The following NFIA variants were observed in gnomAD, a reference collection of about 807,000 sequenced individuals.
NFIA encodes the protein nuclear factor I A.
A neutral mutation model predicts 62.8 loss-of-function variants in NFIA; 8 were observed. The ratio of observed to expected loss-of-function variants is 0.13; its 90% confidence interval spans 0.07 to 0.23. The LOEUF is 0.23. NFIA is among the 10% of genes least tolerant of loss of function. The probability of loss-of-function intolerance (pLI) is 1.00; values close to 1 mark genes in which losing one functional copy is unlikely to be tolerated. For missense variants in NFIA, 410 were observed against 642.1 expected, an observed-to-expected ratio of 0.64 and a Z score of 3.91; for synonymous variants, 235 against 238.1, an observed-to-expected ratio of 0.99 and a Z score of 0.12.
At chr1:61,346,564 A>T (rs942739731) in intron 4 of NFIA, among the ~76,000 whole-genome samples, 6 of 152,168 alleles carry the variant, frequency 3.9e-5, no homozygotes, top group African/African-American at 1.4e-4. Flanking sequence ...CAGGTCTTTG[A>T]GACCTGTTTG....
chr1:61,273,882 G>A (rs1159760414), intron 2 of NFIA, among the ~76,000 whole-genome samples: 2 of 152,058 alleles, frequency 1.3e-5, no homozygotes, highest in Non-Finnish European at 2.9e-5. Flanking sequence ...ATACATGGAA[G>A]GGATATTTAT....
intron 4 of NFIA, among the ~76,000 whole-genome samples, chr1:61,341,193 A>G: frequency 6.6e-6 from 1 of 150,552 alleles, no homozygotes; most frequent in South Asian, 2.1e-4. Context: ...CCTGCCGAGT[A>G]GCCGGGACTA....
At chr1:61,262,372 G>A (rs1006447400) in intron 2 of NFIA, among the ~76,000 whole-genome samples, 1 of 152,148 alleles carries the variant, frequency 6.6e-6, no homozygotes, top group Non-Finnish European at 1.5e-5. Flanking sequence ...GTTACTTTCT[G>A]CTAATTTAAA....
At chr1:61,298,989 T>C (rs895639928) in intron 3 of NFIA, among the ~76,000 whole-genome samples, 4 of 152,196 alleles carry the variant, frequency 2.6e-5, no homozygotes, top group Admixed American at 2.6e-4. Flanking sequence ...AGAGTAGTTA[T>C]TTTGAAATTT....
At chr1:61,427,910 T>C (rs1569853812) in intron 10 of NFIA, among the ~76,000 whole-genome samples, 1 of 152,214 alleles carries the variant, frequency 6.6e-6, no homozygotes, top group Non-Finnish European at 1.5e-5. Context: ...TTCAAACACT[T>C]TTCTGGTGAA....
At chr1:61,214,064 C>T (rs1436931897) in intron 2 of NFIA, among the ~76,000 whole-genome samples, 2 of 152,152 alleles carry the variant, frequency 1.3e-5, no homozygotes, top group South Asian at 2.1e-4. Flanking sequence ...CCCAGAACTA[C>T]ATAGGGTCAG....
At chr1:61,219,556 T>TA (rs1220363288) in intron 2 of NFIA, among the ~76,000 whole-genome samples, 1 of 150,938 alleles carries the variant, frequency 6.6e-6, no homozygotes, top group Non-Finnish European at 1.5e-5. Context: ...CTACTAAAAA[T>TA]ACAAAAAATT....
At chr1:61,298,973 G>A (rs2806432) in intron 3 of NFIA, among the ~76,000 whole-genome samples, 151,835 of 152,318 alleles carry the variant, frequency 1, 75,676 homozygotes, top group East Asian at 1. Flanking sequence ...GCTCACTTGT[G>A]TTTGTAGAGT....
chr1:61,128,194 C>T (rs1647008979), intron 2 of NFIA, among the ~76,000 whole-genome samples: 1 of 152,152 alleles, frequency 6.6e-6, no homozygotes. Context: ...AAGGATGTTC[C>T]TGCCTCAGTC....
chr1:61,248,203 A>G (rs971430100), intron 2 of NFIA, among the ~76,000 whole-genome samples: 3 of 152,186 alleles, frequency 2.0e-5, no homozygotes, highest in African/African-American at 7.2e-5. Context: ...CCTCTGCATA[A>G]TTAACCATAA....
intron 2 of NFIA, among the ~76,000 whole-genome samples, chr1:61,239,953 G>A (rs1364593939): frequency 1.3e-5 from 2 of 151,994 alleles, no homozygotes; most frequent in Non-Finnish European, 2.9e-5. Flanking sequence ...GAACGAGATC[G>A]ATAGAGCAAT....
intron 2 of NFIA, among the ~76,000 whole-genome samples, chr1:61,089,638 G>A (rs1315443595): frequency 6.7e-6 from 1 of 150,026 alleles, no homozygotes; most frequent in Non-Finnish European, 1.5e-5. Flanking sequence ...AAGAAAGAGG[G>A]TTGTGGAATC....
intron 10 of NFIA, among the ~76,000 whole-genome samples, chr1:61,454,843 A>G (rs759857081): frequency 1.3e-5 from 2 of 152,186 alleles, no homozygotes; most frequent in Non-Finnish European, 1.5e-5. Context: ...GTTGAAAATC[A>G]TCAGAGTAGC....
chr1:61,406,846 T>A, intron 9 of NFIA, 119 bp downstream of exon 9: 1 of 1,205,346 alleles, frequency 8.3e-7, no homozygotes, highest in Non-Finnish European at 1.1e-6. Context: ...CCCAGTGATG[T>A]TGTAGCATGA....
At chr1:61,358,998 C>A in intron 5 of NFIA, 149 bp from the exon 6 acceptor site, 1 of 1,097,884 alleles carries the variant, frequency 9.1e-7, no homozygotes, top group Non-Finnish European at 1.3e-6. Context: ...AGTGACTCAC[C>A]AGACTGAACA....
chr1:61,214,389 T>C (rs1465326801), intron 2 of NFIA, among the ~76,000 whole-genome samples: 1 of 151,720 alleles, frequency 6.6e-6, no homozygotes, highest in African/African-American at 2.4e-5. Flanking sequence ...AGAATCTCAA[T>C]GATGGGAATT....
chr1:61,159,680 C>CTTTTTTTTTTTTTTTTTTTTTTTTTTTT (rs11300026), intron 2 of NFIA, among the ~76,000 whole-genome samples: 2 of 85,850 alleles, frequency 2.3e-5, no homozygotes, highest in Non-Finnish European at 5.0e-5. Context: ...AATGTAGATG[C>CTTTTTTTTTTTTTTTTTTTTTTTTTTTT]TTTTTTTTTT....
At chr1:61,296,683 G>A (rs1659204684) in intron 3 of NFIA, among the ~76,000 whole-genome samples, 1 of 152,054 alleles carries the variant, frequency 6.6e-6, no homozygotes, top group Non-Finnish European at 1.5e-5. Flanking sequence ...CTCTGCTTTT[G>A]AGCCTCGATT....
intron 2 of NFIA, among the ~76,000 whole-genome samples, chr1:61,252,451 GA>G (rs759378624): frequency 6.6e-6 from 1 of 152,110 alleles, no homozygotes; most frequent in East Asian, 1.9e-4. Flanking sequence ...TTATTTCTAT[GA>G]AACTAACCCA....
Sources: allele counts gnomAD v4.1 joint callset (sites outside exome capture counted in the v4.1 genomes callset), GRCh38; gene constraint gnomAD v4.1.1; transcripts MANE v1.5; gene names NCBI Gene and HGNC (gene_info 2026-07-23, HGNC 2026-07-21).